Variants in CNTNAP5 observed in about 807,000 individuals in gnomAD.
CNTNAP5 encodes the protein contactin-associated protein-like 5.
Under a neutral mutation model 150.2 loss-of-function variants are expected in CNTNAP5, and 72 were observed. The observed-to-expected ratio is 0.48, with a 90% CI of 0.40 to 0.58. The LOEUF (loss-of-function observed/expected upper bound fraction) is 0.58. Among genes scored for constraint, CNTNAP5 ranks in the 20% least tolerant of loss-of-function variants. The pLI is 0.00. For synonymous variants in CNTNAP5, 672 were observed against 619.8 expected (o/e 1.08, Z -1.25); for missense variants, 1,636 against 1,626.2 (o/e 1.01, Z -0.10).
rs112483484 is a variant in CNTNAP5, at chr2:124,695,755, C to T, written c.2077+47797C>T. Among the ~76,000 whole-genome samples, 23 of 152,232 alleles carry T rather than the reference C, an allele frequency of 1.5e-4. 1 individual carries two copies. Among genetic ancestry groups the T allele is most frequent in the African/African-American group, 5.3e-4 (22 of 41,540 alleles). Reference sequence around the variant, plus strand: ...GCTAGGACTGATAGACAGCTCATACCGATGTCCCCATTGCCCAGGCTGTCC... The same window carrying T: ...GCTAGGACTGATAGACAGCTCATACTGATGTCCCCATTGCCCAGGCTGTCC... On this transcript the variant is annotated intron_variant, in intron 13 of 23. Transcript: ENST00000682447.
At chr2:124,882,345 G>T (rs550835387) in intron 21 of CNTNAP5, among the ~76,000 whole-genome samples, 2 of 152,092 alleles carry the variant, frequency 1.3e-5, no homozygotes, top group Non-Finnish European at 2.9e-5. Flanking sequence ...GATGACAGGA[G>T]GGGGGTGTGG....
intron 13 of CNTNAP5, among the ~76,000 whole-genome samples, chr2:124,680,499 C>A (rs1679041744): frequency 6.6e-6 from 1 of 151,884 alleles, no homozygotes; most frequent in African/African-American, 2.4e-5. Flanking sequence ...AGTTCTCAGA[C>A]CTGGGTCCCA....
At chr2:124,362,372 C>A (rs899163971) in intron 3 of CNTNAP5, among the ~76,000 whole-genome samples, 1 of 152,208 alleles carries the variant, frequency 6.6e-6, no homozygotes, top group Non-Finnish European at 1.5e-5. Context: ...ACAAGATAGT[C>A]CTGAAAGCGA....
intron 10 of CNTNAP5, among the ~76,000 whole-genome samples, chr2:124,533,646 T>G (rs1695163628): frequency 6.6e-6 from 1 of 152,124 alleles, no homozygotes; most frequent in South Asian, 2.1e-4. Context: ...TCCAAAGAGG[T>G]GTTGAAATCA....
intron 4 of CNTNAP5, among the ~76,000 whole-genome samples, chr2:124,431,625 CATT>C (rs1230602970): frequency 3.5e-5 from 5 of 143,164 alleles, no homozygotes; most frequent in African/African-American, 5.1e-5. Context: ...TTTATATAAA[CATT>C]ATATATAATT....
chr2:124,504,258 G>C (rs1169661006), intron 7 of CNTNAP5, 34 bp from the exon 8 acceptor site: 1 of 1,595,728 alleles, frequency 6.3e-7, no homozygotes, highest in African/African-American at 1.3e-5. Flanking sequence ...AATAAAAAAT[G>C]GCTTTTATAT....
At chr2:124,864,454 TC>T (rs1401262512) in intron 19 of CNTNAP5, among the ~76,000 whole-genome samples, 2 of 150,632 alleles carry the variant, frequency 1.3e-5, no homozygotes, top group African/African-American at 5.0e-5. Context: ...TAGAACTTAT[TC>T]CTCCCATCTA....
intron 6 of CNTNAP5, among the ~76,000 whole-genome samples, chr2:124,451,077 T>TATATATATATACACAC (rs755084840): frequency 3.3e-5 from 2 of 61,536 alleles, no homozygotes; most frequent in African/African-American, 7.2e-5. Flanking sequence ...TATATATATA[T>TATATATATATACACAC]ACACACACAC....
At chr2:124,258,563 T>C (rs906067055) in intron 3 of CNTNAP5, among the ~76,000 whole-genome samples, 7 of 152,184 alleles carry the variant, frequency 4.6e-5, no homozygotes, top group African/African-American at 1.7e-4. Context: ...GGAACAATAC[T>C]GCATGTTTAA....
At chr2:124,382,706 G>C (rs1309314211) in intron 3 of CNTNAP5, among the ~76,000 whole-genome samples, 1 of 151,994 alleles carries the variant, frequency 6.6e-6, no homozygotes, top group Non-Finnish European at 1.5e-5. Context: ...CTATATGAAA[G>C]GCTTTGCAAA....
intron 12 of CNTNAP5, among the ~76,000 whole-genome samples, chr2:124,622,565 G>A (rs771219910): frequency 2.6e-5 from 4 of 151,834 alleles, no homozygotes; most frequent in Non-Finnish European, 2.9e-5. Flanking sequence ...CACAATGGGC[G>A]AACTAATTTA....
intron 4 of CNTNAP5, among the ~76,000 whole-genome samples, chr2:124,428,678 T>A (rs1692298072): frequency 6.6e-6 from 1 of 152,032 alleles, no homozygotes. Flanking sequence ...TCAGCATTTT[T>A]TTTTTTTTGA....
chr2:124,460,004 T>C (rs1375232008), intron 6 of CNTNAP5, among the ~76,000 whole-genome samples: 1 of 152,176 alleles, frequency 6.6e-6, no homozygotes, highest in African/African-American at 2.4e-5. Flanking sequence ...TATTGGTGCC[T>C]GACAAACCTC....
intron 1 of CNTNAP5, among the ~76,000 whole-genome samples, chr2:124,067,991 A>G (rs183960642): frequency 6.6e-6 from 1 of 152,278 alleles, no homozygotes; most frequent in Admixed American, 6.5e-5. Flanking sequence ...AAACAATAAA[A>G]CCAAAGAAAA....
At chr2:124,061,304 CT>C (rs1282749478) in intron 1 of CNTNAP5, among the ~76,000 whole-genome samples, 3 of 151,910 alleles carry the variant, frequency 2.0e-5, no homozygotes, top group African/African-American at 7.2e-5. Flanking sequence ...TCTTTTTTGC[CT>C]ACATAAATCA....
intron 13 of CNTNAP5, among the ~76,000 whole-genome samples, chr2:124,659,356 A>T (rs1678534007): frequency 6.6e-6 from 1 of 152,184 alleles, no homozygotes; most frequent in Admixed American, 6.6e-5. Flanking sequence ...TTCACAGCGA[A>T]GATATGAAGC....
At chr2:124,439,023 G>A (rs1405599665) in intron 5 of CNTNAP5, among the ~76,000 whole-genome samples, 2 of 151,936 alleles carry the variant, frequency 1.3e-5, no homozygotes, top group African/African-American at 4.8e-5. Flanking sequence ...TCACTAAAAT[G>A]TAATAAACTT....
intron 12 of CNTNAP5, among the ~76,000 whole-genome samples, chr2:124,646,216 G>T (rs188086322): frequency 1.3e-5 from 2 of 152,326 alleles, no homozygotes; most frequent in Admixed American, 6.5e-5. Context: ...GAAACGACAT[G>T]TCCCAAGTTG....
At chr2:124,240,143 T>A (rs1416190611) in intron 2 of CNTNAP5, among the ~76,000 whole-genome samples, 2 of 152,186 alleles carry the variant, frequency 1.3e-5, no homozygotes, top group Non-Finnish European at 2.9e-5. Flanking sequence ...TAAAAGGATA[T>A]TGTATATTTA....
Sources: allele counts gnomAD v4.1 joint callset (sites outside exome capture counted in the v4.1 genomes callset), GRCh38; gene constraint gnomAD v4.1.1; transcripts MANE v1.5; gene names NCBI Gene and HGNC (gene_info 2026-07-23, HGNC 2026-07-21).